The following FKTN variants were observed in gnomAD, a reference collection of about 807,000 sequenced individuals.
The protein encoded by FKTN is fukutin.
FKTN carries 47 observed loss-of-function variants against 58.6 expected under a neutral mutation model. That is an observed-to-expected ratio of 0.80 (90% CI 0.63 to 1.02). FKTN has a LOEUF of 1.02. Among genes scored for constraint, FKTN ranks in the 50% least tolerant of loss-of-function variants. The probability of loss-of-function intolerance (pLI) is 0.00; values close to 1 mark genes in which losing one functional copy is unlikely to be tolerated. For missense variants in FKTN, 516 were observed against 537.3 expected (o/e 0.96, Z 0.39); for synonymous variants, 178 against 191.9 (o/e 0.93, Z 0.60).
At chr9:105,606,535 T>C (rs1240885821) in intron 6 of FKTN, among the ~76,000 whole-genome samples, 1 of 151,812 alleles carries the variant, frequency 6.6e-6, no homozygotes, top group African/African-American at 2.4e-5. Flanking sequence ...CTACTTTGAA[T>C]AGCAGAATCT....
chr9:105,580,691 T>A (rs1167597028), intron 3 of FKTN, among the ~76,000 whole-genome samples: 1 of 31,798 alleles, frequency 3.1e-5, no homozygotes, highest in Non-Finnish European at 6.0e-5. Flanking sequence ...TTCTCTGTAT[T>A]TCCTGAATCT....
chr9:105,639,105 T>C lies in FKTN; in HGVS notation c.*3841T>C. The C allele has an allele frequency of 1.0e-6, 1 of 985,220 alleles. No homozygotes were observed. The highest frequency in any genetic ancestry group is 1.2e-6 in the Non-Finnish European group (1 of 829,750). The allele number at this position is 985,220 out of a possible 1,614,324, so 61.0% of individuals were successfully genotyped here. On this transcript the variant is annotated 3_prime_UTR_variant, in exon 11 of 11. Coordinates refer to ENST00000357998, the MANE Select transcript of FKTN (RefSeq NM_001079802.2). ...ATAAATCCTTAGGAGAAATATTCCC[T>C]CAAAACCTAGTCAAGAAAGTGCCAC...
intron 3 of FKTN, among the ~76,000 whole-genome samples, chr9:105,578,975 G>T (rs967775703): frequency 2.0e-5 from 3 of 151,686 alleles, no homozygotes; most frequent in East Asian, 1.9e-4. Context: ...TTTATTCTCT[G>T]ATGGTAGTTT....
chr9:105,566,480 C>T (rs1839647456), intron 1 of FKTN, among the ~76,000 whole-genome samples: 1 of 152,208 alleles, frequency 6.6e-6, no homozygotes, highest in South Asian at 2.1e-4. Flanking sequence ...CACCACCGAT[C>T]CCACCGAAAT....
chr9:105,600,941 T>G (rs1234827102), intron 4 of FKTN: 1 of 496,206 alleles, frequency 2.0e-6, no homozygotes, highest in African/African-American at 1.9e-5. Flanking sequence ...ATATTGAAAA[T>G]GTTCATCTTT....
chr9:105,558,192 A>G (rs902701441), intron 1 of FKTN, 27 bp downstream of exon 1: 4 of 152,164 alleles, frequency 2.6e-5, no homozygotes, highest in Non-Finnish European at 4.4e-5. Context: ...TCAGGTCGGT[A>G]CCCGGGGATG....
At chr9:105,597,044 A>C (rs1826939744) in intron 4 of FKTN, among the ~76,000 whole-genome samples, 2 of 152,208 alleles carry the variant, frequency 1.3e-5, no homozygotes, top group Non-Finnish European at 2.9e-5. Context: ...CAGGAATAAA[A>C]ATCTATTCAA....
chr9:105,600,362 A>C (rs1827657087), intron 4 of FKTN, among the ~76,000 whole-genome samples: 1 of 152,144 alleles, frequency 6.6e-6, no homozygotes, highest in African/African-American at 2.4e-5. Flanking sequence ...TTGATAGGCA[A>C]ACATTCCTAT....
Position 105,596,137 on chromosome 9 carries a change from A to C in FKTN, c.106-461A>C, listed in dbSNP as rs180864939. Among the ~76,000 whole-genome samples the C allele has an allele frequency of 2.7e-4, 41 of 152,334 alleles. No individual in the cohort carries two copies. The East Asian group carries it at 7.9e-3, about 29-fold the overall frequency. On this transcript the variant is annotated intron_variant, in intron 3 of 10. Transcript: ENST00000357998. ...CCTTGCAGGATTGTTGTGAGGGATC[A>C]ATGAGTATACATAATTGATATATGG...
At chr9:105,610,362 A>C (rs1167139544) in intron 7 of FKTN, among the ~76,000 whole-genome samples, 1 of 151,584 alleles carries the variant, frequency 6.6e-6, no homozygotes, top group Non-Finnish European at 1.5e-5. Flanking sequence ...ATCTATTGAA[A>C]CCTCTGAATT....
intron 6 of FKTN, among the ~76,000 whole-genome samples, chr9:105,606,972 G>C (rs900421591): frequency 6.6e-6 from 1 of 151,498 alleles, no homozygotes; most frequent in Admixed American, 6.6e-5. Context: ...CCACTTTTTT[G>C]CCTGTTTTTT....
At chr9:105,628,252 G>A (rs192614293) in intron 10 of FKTN, among the ~76,000 whole-genome samples, 29 of 152,042 alleles carry the variant, frequency 1.9e-4, no homozygotes, top group African/African-American at 6.3e-4. Context: ...CTGTTTATGC[G>A]TTTATATTTT....
intron 3 of FKTN, among the ~76,000 whole-genome samples, chr9:105,584,090 A>G (rs1843489156): frequency 1.3e-5 from 2 of 152,174 alleles, no homozygotes; most frequent in South Asian, 4.1e-4. Flanking sequence ...TGGGATCTTG[A>G]GTTAATTACT....
intron 5 of FKTN, among the ~76,000 whole-genome samples, chr9:105,602,115 G>C (rs1264066433): frequency 2.0e-5 from 3 of 152,112 alleles, no homozygotes; most frequent in Non-Finnish European, 4.4e-5. Context: ...TAGTGAGCAA[G>C]TTTCCAACAA....
chr9:105,622,186 C>T (rs1403521117), intron 10 of FKTN, among the ~76,000 whole-genome samples: 2 of 151,992 alleles, frequency 1.3e-5, no homozygotes, highest in African/African-American at 2.4e-5. Flanking sequence ...TAATTGGGAG[C>T]ACATTAGAAT....
intron 7 of FKTN, among the ~76,000 whole-genome samples, chr9:105,608,609 T>C (rs1000980931): frequency 6.6e-6 from 1 of 152,230 alleles, no homozygotes; most frequent in Non-Finnish European, 1.5e-5. Flanking sequence ...ACCTGAATTC[T>C]TTCACTTGCC....
At chr9:105,565,642 C>A (rs1177330114) in intron 1 of FKTN, among the ~76,000 whole-genome samples, 4 of 152,114 alleles carry the variant, frequency 2.6e-5, no homozygotes, top group Non-Finnish European at 4.4e-5. Context: ...CACCCAGATT[C>A]ATAAAGCAAG....
In FKTN at chr9:105,638,517, G is replaced by A. The variant is rs1834204893; in HGVS notation, c.*3253G>A. 1 of 985,100 alleles carries A rather than the reference G, an allele frequency of 1.0e-6. No homozygotes were observed. The highest frequency in any genetic ancestry group is 1.7e-5 in the African/African-American group (1 of 57,186). 61.0% of individuals were successfully genotyped at this position (985,100 alleles called of 1,614,324 possible). A position where few individuals can be genotyped will look rare whatever the true frequency, so the allele number is the denominator to read the frequency against. ...CCACTTTACCATTCTATTTCCCAAG[G>A]GAACCATCAGCACCAACCTGCTAAA... is the stretch of plus-strand genomic sequence containing the variant. On this transcript the variant is annotated 3_prime_UTR_variant, in exon 11 of 11. Coordinates refer to ENST00000357998, the MANE Select transcript of FKTN (RefSeq NM_001079802.2).
rs114048473 is a variant in FKTN at position 105,597,659 on chromosome 9, C to T, written c.165+1002C>T. ...CCATCCCACCCTTAGGAAACACATA[C>T]ACCTAATACTTGGACCTGATTTATC... On this transcript the variant is annotated intron_variant, in intron 4 of 10. Transcript: ENST00000357998. Among the ~76,000 whole-genome samples the T allele has an allele frequency of 9.1e-3, 1,381 of 152,220 alleles. 22 individuals are homozygous for T. Among genetic ancestry groups the T allele is most frequent in the African/African-American group, 0.032 (1,322 of 41,552 alleles).
Sources: allele counts gnomAD v4.1 joint callset (sites outside exome capture counted in the v4.1 genomes callset), GRCh38; gene constraint gnomAD v4.1.1; transcripts MANE v1.5; gene names NCBI Gene and HGNC (gene_info 2026-07-23, HGNC 2026-07-21).